The following ARC variants were observed in gnomAD, a reference collection of about 807,000 sequenced individuals.
ARC encodes activity-regulated cytoskeleton-associated protein.
ARC carries 10 observed loss-of-function variants against 20.0 expected under a neutral mutation model. That is an observed-to-expected ratio of 0.50 (90% CI 0.31 to 0.85). The LOEUF (loss-of-function observed/expected upper bound fraction) is 0.85. Ranked by LOEUF, ARC falls within the 40% of genes least tolerant of loss-of-function variation. The pLI, the probability that ARC is intolerant of heterozygous loss-of-function variation, is 0.05. For missense variants in ARC, 454 were observed against 555.5 expected (o/e 0.82, Z 1.84); for synonymous variants, 269 against 254.1 (o/e 1.06, Z -0.56).
rs769526787 is a variant in ARC at position 142,614,287 on chromosome 8, C to G, written c.-16G>C. The G allele has an allele frequency of 2.9e-6, 4 of 1,398,398 alleles. No individual in the cohort carries two copies. Among genetic ancestry groups the G allele is most frequent in the East Asian group, 5.4e-5 (2 of 37,044 alleles). 86.6% of individuals were successfully genotyped at this position (1,398,398 alleles called of 1,614,324 possible). On this transcript the variant is annotated 5_prime_UTR_variant, in exon 1 of 3. Transcript: ENST00000356613. ...CCAGCTCCATCTGTGCGCAGGTGCT[C>G]CGGCAGGCGGCAAACTCCTCGGGGC... is the stretch of plus-strand genomic sequence containing the variant.
Position 142,613,952 on chromosome 8 carries a change from C to A in ARC, c.320G>T (p.Arg107Leu). The change falls in exon 1 of 3, where the codon CGC becomes CTC. Residue 107 changes from arginine (R) to leucine (L), a missense_variant. Arg to Leu is a moderately radical substitution (Grantham distance 102, BLOSUM62 -2). Transcript: ENST00000356613. ...CACGTGCATCTCGCGCTTGACCCAGCGCTCCAGGTTGGCGATGGTCTCCTG... is the reference window on the plus strand; with the variant it reads ...CACGTGCATCTCGCGCTTGACCCAGAGCTCCAGGTTGGCGATGGTCTCCTG... ...RCQETIANLE[R>L]WVKREMHVWR... is the part of the protein sequence containing the mutation. 6.2e-7 allele frequency: 1 copy of A among 1,607,664 alleles called. No homozygotes were observed. Among genetic ancestry groups the A allele is most frequent in the Non-Finnish European group, 8.5e-7 (1 of 1,178,978 alleles).
rs587648852 is a variant in ARC, at chr8:142,612,869, T to C, written c.*212A>G. On this transcript the variant is annotated 3_prime_UTR_variant, in exon 1 of 3. Coordinates refer to ENST00000356613, the MANE Select transcript of ARC (RefSeq NM_015193.5). ...GGAAAGACAGACGGAGGGAGGGTGATGGGTGGAGCCCTGCAGGGGGGAGGG... is the reference window on the plus strand; with the variant it reads ...GGAAAGACAGACGGAGGGAGGGTGACGGGTGGAGCCCTGCAGGGGGGAGGG... 1.9e-6 allele frequency: 1 copy of C among 520,080 alleles called. No homozygotes were observed. The highest frequency in any genetic ancestry group is 3.4e-5 in the South Asian group (1 of 29,184). 32.2% of individuals were successfully genotyped at this position (520,080 alleles called of 1,614,324 possible). A position where few individuals can be genotyped will look rare whatever the true frequency, so the allele number is the denominator to read the frequency against.
rs905110271 is a variant in ARC at position 142,614,392 on chromosome 8, G to A, written c.-121C>T. 4 of 933,318 alleles carry A rather than the reference G, an allele frequency of 4.3e-6. No homozygotes were observed. Among genetic ancestry groups the A allele is most frequent in the Non-Finnish European group, 5.6e-6 (4 of 715,238 alleles). 57.8% of individuals were successfully genotyped at this position (933,318 alleles called of 1,614,324 possible). On this transcript the variant is annotated 5_prime_UTR_variant, in exon 1 of 3. Transcript: ENST00000356613. ...GCGGGGAGCGCCTGTCTGTCGCTGC[G>A]GGCCGGCGGCGGGGCCGGCGGAGCA...
In ARC at chr8:142,613,182, C is replaced by T. The variant is rs759778933; in HGVS notation, c.1090G>A (p.Glu364Lys). ...EVQDDLEQAA[E>K]PAGPHLPVED... ...ACCGGGAGGTGGGGGCCGGCCGGCT[C>T]GGCCGCCTGCTCCAGGTCATCCTGC... The change falls in exon 1 of 3, where the codon GAG (glutamate) becomes AAG (lysine). Residue 364 changes from glutamate (E) to lysine (K), a missense_variant. Physicochemically the swap from Glu to Lys is moderately conservative, Grantham distance 56. Transcript: ENST00000356613. The T allele has an allele frequency of 7.5e-6, 12 of 1,609,742 alleles. No individual in the cohort carries two copies. In the African/African-American group the frequency reaches 1.1e-4, roughly 14 times the overall value.
rs1479940530 is a variant in ARC, at chr8:142,613,813, C to T, written c.459G>A (p.Gly153=). ...SARHTVSVGV[G]GPESYCHEAD... is the part of the protein sequence containing the mutation. ...CCTCGTGGCAGTAGCTCTCGGGACC[C>T]CCCACGCCCACGGAAACGGTGTGGC... Residue 153 remains glycine (G), a synonymous_variant, in exon 1 of 3, where the codon GGG becomes GGA. Coordinates refer to ENST00000356613, the MANE Select transcript of ARC (RefSeq NM_015193.5). 2 of 1,558,334 alleles carry T rather than the reference C, an allele frequency of 1.3e-6. No individual in the cohort carries two copies. The highest frequency in any genetic ancestry group is 1.9e-5 in the Admixed American group (1 of 53,438).
rs1053306594 is a variant in ARC, at chr8:142,614,323, TGGTCCGGCGCTGG to T, written c.-65_-53del. On this transcript the variant is annotated 5_prime_UTR_variant, in exon 1 of 3. Coordinates refer to ENST00000356613, the MANE Select transcript of ARC (RefSeq NM_015193.5). ...CAAACTCCTCGGGGCGGACAGAGGG[TGGTCCGGCGCTGG>T]GGTCCGGCGGCCTGGGTCCCGTGCG... The T allele has an allele frequency of 3.8e-6, 5 of 1,309,796 alleles. No homozygotes were observed. Among genetic ancestry groups the T allele is most frequent in the Non-Finnish European group, 4.9e-6 (5 of 1,027,228 alleles). 81.1% of individuals were successfully genotyped at this position (1,309,796 alleles called of 1,614,324 possible). A position where few individuals can be genotyped will look rare whatever the true frequency, so the allele number is the denominator to read the frequency against.
Position 142,612,883 on chromosome 8 carries a change from C to A in ARC, c.*198G>T, listed in dbSNP as rs940757663. 50 of 557,708 alleles carry A rather than the reference C, an allele frequency of 9.0e-5. No individual in the cohort carries two copies. Among genetic ancestry groups the A allele is most frequent in the Non-Finnish European group, 3.2e-5 (10 of 315,116 alleles). 34.5% of individuals were successfully genotyped at this position (557,708 alleles called of 1,614,324 possible). A position where few individuals can be genotyped will look rare whatever the true frequency, so the allele number is the denominator to read the frequency against. ...AGGGAGGGTGATGGGTGGAGCCCTG[C>A]AGGGGGGAGGGCTCTTTGCCGCTGG... On this transcript the variant is annotated 3_prime_UTR_variant, in exon 1 of 3. Coordinates refer to ENST00000356613, the MANE Select transcript of ARC (RefSeq NM_015193.5).
At position 142,614,366 on chromosome 8, in the gene ARC, T is replaced by G. The variant is rs1486841923; in HGVS notation, c.-95A>C. 1 of 1,091,098 alleles carries G rather than the reference T, an allele frequency of 9.2e-7. No homozygotes were observed. The highest frequency in any genetic ancestry group is 3.2e-5 in the East Asian group (1 of 31,018). The allele number at this position is 1,091,098 out of a possible 1,614,324, so 67.6% of individuals were successfully genotyped here. A position where few individuals can be genotyped will look rare whatever the true frequency, so the allele number is the denominator to read the frequency against. On this transcript the variant is annotated 5_prime_UTR_variant, in exon 1 of 3. Transcript: ENST00000356613. The stretch of plus-strand genomic sequence containing the variant: ...CGGCGGCCTGGGTCCCGTGCGGAGC[T>G]GCGGGGAGCGCCTGTCTGTCGCTGC...
Position 142,612,822 on chromosome 8 carries a change from T to G in ARC, c.*259A>C. 6 of 480,440 alleles carry G rather than the reference T, an allele frequency of 1.2e-5. No individual in the cohort carries two copies. The highest frequency in any genetic ancestry group is 4.4e-5 in the South Asian group (1 of 22,890). The allele number at this position is 480,440 out of a possible 1,614,324, so 29.8% of individuals were successfully genotyped here. A position where few individuals can be genotyped will look rare whatever the true frequency, so the allele number is the denominator to read the frequency against. On this transcript the variant is annotated 3_prime_UTR_variant, in exon 1 of 3. Coordinates refer to ENST00000356613, the MANE Select transcript of ARC (RefSeq NM_015193.5). ...GGGGTGTTCTGTGATGGCCTGAGAG[T>G]GTGGAGGGTGGGGTCCAGGCCGGAA... is the stretch of plus-strand genomic sequence containing the variant.
chr8:142,613,818 C>T lies in ARC; in HGVS notation c.454G>A (p.Val152Met). ...ESARHTVSVG[V>M]GGPESYCHEA... ...TGGCAGTAGCTCTCGGGACCCCCCACGCCCACGGAAACGGTGTGGCGGGCT... is the reference window on the plus strand; with the variant it reads ...TGGCAGTAGCTCTCGGGACCCCCCATGCCCACGGAAACGGTGTGGCGGGCT... The change falls in exon 1 of 3, where the codon GTG becomes ATG. Residue 152 changes from valine to methionine, a missense_variant. Physicochemically the swap from Val to Met is conservative, Grantham distance 21. Coordinates refer to ENST00000356613, the MANE Select transcript of ARC (RefSeq NM_015193.5). 3.2e-6 allele frequency: 5 copies of T among 1,559,942 alleles called. 1 individual carries two copies. In the South Asian group the frequency reaches 3.5e-5, roughly 11 times the overall value.
chr8:142,614,306 T>TCGGGG lies in ARC; in HGVS notation c.-40_-36dup, dbSNP rs1348747176. On this transcript the variant is annotated 5_prime_UTR_variant, in exon 1 of 3. Coordinates refer to ENST00000356613, the MANE Select transcript of ARC (RefSeq NM_015193.5). Reference sequence around the variant, plus strand: ...GGTGCTCCGGCAGGCGGCAAACTCCTCGGGGCGGACAGAGGGTGGTCCGGC... The same window carrying TCGGGG: ...GGTGCTCCGGCAGGCGGCAAACTCCTCGGGGCGGGGCGGACAGAGGGTGGTCCGGC... 2.7e-4 allele frequency: 367 copies of TCGGGG among 1,367,610 alleles called. No individual in the cohort carries two copies. The highest frequency in any genetic ancestry group is 3.2e-4 in the Non-Finnish European group (343 of 1,064,014). The allele number at this position is 1,367,610 out of a possible 1,614,324, so 84.7% of individuals were successfully genotyped here.
Position 142,613,744 on chromosome 8 carries a change from C to T in ARC, c.528G>A (p.Pro176=), listed in dbSNP as rs1203507657. Residue 176 remains proline, a synonymous_variant, in exon 1 of 3, where the codon CCG becomes CCA. Transcript: ENST00000356613. Reference sequence around the variant, plus strand: ...CGGGCAGCTCGCCAGCGGCTGGGGGCGGGGTGATGGCGTAGGGGCTGACGG... The same window carrying T: ...CGGGCAGCTCGCCAGCGGCTGGGGGTGGGGTGATGGCGTAGGGGCTGACGG... ...DYTVSPYAIT[P]PPAAGELPGQ... 3 of 1,550,372 alleles carry T rather than the reference C, an allele frequency of 1.9e-6. No homozygotes were observed. The highest frequency in any genetic ancestry group is 2.6e-6 in the Non-Finnish European group (3 of 1,152,994).
In ARC at chr8:142,612,935, G is replaced by A. The variant is rs587663380; in HGVS notation, c.*146C>T. On this transcript the variant is annotated 3_prime_UTR_variant, in exon 1 of 3. Coordinates refer to ENST00000356613, the MANE Select transcript of ARC (RefSeq NM_015193.5). Reference sequence around the variant, plus strand: ...TGCGGTGCTCACATCTGGATGACACGAGTGTGTGCGAGTCCGCCCGGAGCT... The same window carrying A: ...TGCGGTGCTCACATCTGGATGACACAAGTGTGTGCGAGTCCGCCCGGAGCT... 1,250 of 643,650 alleles carry A rather than the reference G, an allele frequency of 1.9e-3. 3 individuals are homozygous for A. Among genetic ancestry groups the A allele is most frequent in the Non-Finnish European group, 2.9e-3 (1,100 of 378,504 alleles). 39.9% of individuals were successfully genotyped at this position (643,650 alleles called of 1,614,324 possible). A position where few individuals can be genotyped will look rare whatever the true frequency, so the allele number is the denominator to read the frequency against.
chr8:142,614,309 G>A lies in ARC; in HGVS notation c.-38C>T. The A allele has an allele frequency of 7.3e-7, 1 of 1,366,144 alleles. No homozygotes were observed. Among genetic ancestry groups the A allele is most frequent in the Non-Finnish European group, 9.4e-7 (1 of 1,062,976 alleles). The allele number at this position is 1,366,144 out of a possible 1,614,324, so 84.6% of individuals were successfully genotyped here. A position where few individuals can be genotyped will look rare whatever the true frequency, so the allele number is the denominator to read the frequency against. ...GCTCCGGCAGGCGGCAAACTCCTCG[G>A]GGCGGACAGAGGGTGGTCCGGCGCT... On this transcript the variant is annotated 5_prime_UTR_variant, in exon 1 of 3. Transcript: ENST00000356613.
chr8:142,613,784 T>A lies in ARC; in HGVS notation c.488A>T (p.Asp163Val), dbSNP rs768517487. 5.2e-6 allele frequency: 8 copies of A among 1,551,640 alleles called. No individual in the cohort carries two copies. In the East Asian group the frequency reaches 1.9e-4, roughly 37 times the overall value. The change falls in exon 1 of 3, where the codon GAC becomes GTC. Residue 163 changes from aspartate (D) to valine (V), a missense_variant. By Grantham distance (152) the Asp-to-Val change is radical. This residue lies in a region of ARC where 265 missense variants were observed against 301.7 expected (regional missense o/e 0.88). Coordinates refer to ENST00000356613, the MANE Select transcript of ARC (RefSeq NM_015193.5). ...GGPESYCHEA[D>V]GYDYTVSPYA... ...GGGGCTGACGGTGTAGTCGTAGCCG[T>A]CTGCCTCGTGGCAGTAGCTCTCGGG...
At position 142,613,022 on chromosome 8, in the gene ARC, C is replaced by T; in HGVS notation, c.*59G>A. On this transcript the variant is annotated 3_prime_UTR_variant, in exon 1 of 3. Coordinates refer to ENST00000356613, the MANE Select transcript of ARC (RefSeq NM_015193.5). ...AGGAGTCAGCCCCAGCTCAAAAGTC[C>T]TGGTGGGCAAAGCCACAGGCTGGAT... is the stretch of plus-strand genomic sequence containing the variant. 1 of 1,368,976 alleles carries T rather than the reference C, an allele frequency of 7.3e-7. No homozygotes were observed. The highest frequency in any genetic ancestry group is 9.7e-7 in the Non-Finnish European group (1 of 1,035,116). 84.8% of individuals were successfully genotyped at this position (1,368,976 alleles called of 1,614,324 possible).
Position 142,613,956 on chromosome 8 carries a change from C to T in ARC, c.316G>A (p.Glu106Lys), listed in dbSNP as rs1359337112. 4 of 1,608,034 alleles carry T rather than the reference C, an allele frequency of 2.5e-6. No homozygotes were observed. The stretch of plus-strand genomic sequence containing the variant: ...TGCATCTCGCGCTTGACCCAGCGCT[C>T]CAGGTTGGCGATGGTCTCCTGGCAG... ...CRCQETIANL[E>K]RWVKREMHVW... The change falls in exon 1 of 3, where the codon GAG (glutamate) becomes AAG (lysine). Residue 106 changes from glutamate to lysine, a missense_variant. By Grantham distance (56) the Glu-to-Lys change is moderately conservative. Transcript: ENST00000356613.
At position 142,613,178 on chromosome 8, in the gene ARC, G is replaced by T. The variant is rs373236073; in HGVS notation, c.1094C>A (p.Pro365Gln). The T allele has an allele frequency of 1.2e-6, 2 of 1,609,532 alleles. No individual in the cohort carries two copies. The highest frequency in any genetic ancestry group is 2.7e-5 in the African/African-American group (2 of 74,876). ...VQDDLEQAAE[P>Q]AGPHLPVEDE... ...CTCCACCGGGAGGTGGGGGCCGGCC[G>T]GCTCGGCCGCCTGCTCCAGGTCATC... is the stretch of plus-strand genomic sequence containing the variant. The change falls in exon 1 of 3, where the codon CCG becomes CAG. Residue 365 changes from proline to glutamine, a missense_variant. Physicochemically the swap from Pro to Gln is moderately conservative, Grantham distance 76. This residue lies in a region of ARC where 72 missense variants were observed against 59.4 expected (regional missense o/e 1.21). Transcript: ENST00000356613.
chr8:142,613,899 G>T lies in ARC; in HGVS notation c.373C>A (p.Arg125Ser). 1.3e-6 allele frequency: 2 copies of T among 1,587,128 alleles called. No homozygotes were observed. ...GTGGACTCCAGGCGGTCGGCCCAGC[G>T]CTCCAGGCGGTAGAACACCTCGCGC... ...VWREVFYRLE[R>S]WADRLESTGG... The change falls in exon 1 of 3, where the codon CGC (arginine) becomes AGC (serine). Residue 125 changes from arginine to serine, a missense_variant. Arg to Ser is a moderately radical substitution (Grantham distance 110, BLOSUM62 -1). This residue lies in a region of ARC where 265 missense variants were observed against 301.7 expected (regional missense o/e 0.88). Coordinates refer to ENST00000356613, the MANE Select transcript of ARC (RefSeq NM_015193.5).
Sources: gnomAD v4.1 joint callset for allele counts on GRCh38, gnomAD v4.1.1 for gene constraint, gnomAD v4.1.1 regional missense constraint, MANE v1.5 for transcripts, NCBI Gene and HGNC (gene_info 2026-07-23, HGNC 2026-07-21) for gene names.